Variants in NPY2R observed in about 807,000 individuals in gnomAD.
The protein encoded by NPY2R is neuropeptide Y receptor type 2.
In NPY2R, 17 loss-of-function variants were observed where a neutral mutation model predicts 22.3. The observed-to-expected ratio is 0.76, with a 90% CI of 0.52 to 1.14. NPY2R has a LOEUF of 1.14. Among genes scored for constraint, NPY2R ranks in the 50% most tolerant of loss-of-function variants. The pLI is 0.00. For synonymous variants in NPY2R, 209 were observed against 183.4 expected (o/e 1.14, Z -1.13); for missense variants, 424 against 467.9 (o/e 0.91, Z 0.87).
the NPY2R span, among the ~76,000 whole-genome samples, chr4:155,187,237 C>T: frequency 6.6e-6 from 1 of 152,138 alleles, no homozygotes; most frequent in East Asian, 1.9e-4. Flanking sequence ...GTCCTCCTTT[C>T]TAGTGGCCAC....
chr4:155,187,534 CT>C, the NPY2R span, among the ~76,000 whole-genome samples: 1 of 152,004 alleles, frequency 6.6e-6, no homozygotes, highest in Non-Finnish European at 1.5e-5. Context: ...AATTTGATTG[CT>C]ACTTCAGGAG....
chr4:155,199,324 C>G, the NPY2R span, among the ~76,000 whole-genome samples: 3 of 151,860 alleles, frequency 2.0e-5, no homozygotes, highest in African/African-American at 7.3e-5. Flanking sequence ...CATGAAAGAC[C>G]TCTGCAAGGA....
the NPY2R span, among the ~76,000 whole-genome samples, chr4:155,194,152 C>A: frequency 1.3e-5 from 2 of 151,918 alleles, no homozygotes; most frequent in African/African-American, 4.8e-5. Flanking sequence ...GCAGATGGCA[C>A]ACATTTTCGT....
the NPY2R span, among the ~76,000 whole-genome samples, chr4:155,178,953 T>G: frequency 2.6e-5 from 4 of 152,178 alleles, no homozygotes; most frequent in African/African-American, 9.6e-5. Flanking sequence ...TTAGTGCTTT[T>G]TTCTCTATAT....
chr4:155,193,112 A>G, the NPY2R span, among the ~76,000 whole-genome samples: 1 of 151,954 alleles, frequency 6.6e-6, no homozygotes, highest in East Asian at 1.9e-4. Context: ...CAAGATGTCC[A>G]TTCAATAATA....
At position 155,214,648 on chromosome 4, in the gene NPY2R, T is replaced by C; in HGVS notation, c.709T>C (p.Phe237Leu). The C allele has an allele frequency of 6.2e-7, 1 of 1,614,200 alleles. No individual in the cohort carries two copies. Among genetic ancestry groups the C allele is most frequent in the Non-Finnish European group, 8.5e-7 (1 of 1,180,018 alleles). ...TGTTTTGCCTCTGGGCATTATATCA[T>C]TTTCCTACACTCGCATTTGGAGTAA... ...LYVLPLGIISFSYTRIWSKLK... is the reference protein window; with the variant it reads ...LYVLPLGIISLSYTRIWSKLK... Residue 237 changes from phenylalanine to leucine, a missense_variant, in exon 2 of 2, where the codon TTT (phenylalanine) becomes CTT (leucine). Transcript: ENST00000329476.
At chr4:155,206,150 C>A (rs913471183), upstream of NPY2R, among the ~76,000 whole-genome samples, 3 of 152,168 alleles carry the variant, frequency 2.0e-5, no homozygotes, top group Non-Finnish European at 4.4e-5. Flanking sequence ...TGGCCCTAAC[C>A]ATGCAGGCAT....
At chr4:155,182,161 A>G in the NPY2R span, among the ~76,000 whole-genome samples, 1 of 152,266 alleles carries the variant, frequency 6.6e-6, no homozygotes, top group Middle Eastern at 3.4e-3. Flanking sequence ...GTTAAATTAT[A>G]TAACTCCTCG....
chr4:155,196,837 G>A, the NPY2R span, among the ~76,000 whole-genome samples: 1 of 151,848 alleles, frequency 6.6e-6, no homozygotes, highest in Non-Finnish European at 1.5e-5. Context: ...TCTAATGTGG[G>A]CCTTCAGTTC....
the NPY2R span, among the ~76,000 whole-genome samples, chr4:155,190,704 C>A: frequency 6.6e-6 from 1 of 151,816 alleles, no homozygotes; most frequent in Non-Finnish European, 1.5e-5. Flanking sequence ...CCAGAATTGC[C>A]AAATATCAAT....
At chr4:155,180,365 A>T in the NPY2R span, among the ~76,000 whole-genome samples, 1 of 152,258 alleles carries the variant, frequency 6.6e-6, no homozygotes. Flanking sequence ...GAGTGCTAAC[A>T]TCCACTTGTC....
the NPY2R span, among the ~76,000 whole-genome samples, chr4:155,179,345 G>A: frequency 6.6e-6 from 1 of 152,092 alleles, no homozygotes; most frequent in African/African-American, 2.4e-5. Context: ...TTTCTTGTGT[G>A]TGCCAGATTT....
chr4:155,201,295 C>T, the NPY2R span, among the ~76,000 whole-genome samples: 1 of 152,028 alleles, frequency 6.6e-6, no homozygotes, highest in African/African-American at 2.4e-5. Flanking sequence ...GCCTGGGTCA[C>T]ACAGAACACT....
Position 155,214,723 on chromosome 4 carries a change from C to G in NPY2R, c.784C>G (p.Arg262Gly). 6.2e-7 allele frequency: 1 copy of G among 1,614,210 alleles called. No homozygotes were observed. Among genetic ancestry groups the G allele is most frequent in the Non-Finnish European group, 8.5e-7 (1 of 1,180,036 alleles). ...AGCTGCAAATGACCACTACCATCAGCGAAGGCAAAAAACCACCAAAATGCT... is the reference window on the plus strand; with the variant it reads ...AGCTGCAAATGACCACTACCATCAGGGAAGGCAAAAAACCACCAAAATGCT... The part of the protein sequence containing the change: ...PGAANDHYHQ[R>G]RQKTTKMLVC... The change falls in exon 2 of 2, where the codon CGA becomes GGA. Residue 262 changes from arginine to glycine, a missense_variant. By Grantham distance (125) the Arg-to-Gly change is moderately radical. Transcript: ENST00000329476.
At chr4:155,179,808 C>T in the NPY2R span, among the ~76,000 whole-genome samples, 1 of 152,136 alleles carries the variant, frequency 6.6e-6, no homozygotes. Flanking sequence ...ATTGCTTGAT[C>T]TCCCTAAGAT....
the NPY2R span, among the ~76,000 whole-genome samples, chr4:155,192,757 T>C: frequency 6.6e-6 from 1 of 151,942 alleles, no homozygotes; most frequent in South Asian, 2.1e-4. Context: ...ACTAACATTA[T>C]TGTGAGAATA....
the NPY2R span, among the ~76,000 whole-genome samples, chr4:155,178,634 T>C: frequency 6.6e-6 from 1 of 152,374 alleles, no homozygotes; most frequent in Middle Eastern, 3.4e-3. Flanking sequence ...TTTATCATTT[T>C]ACTATTTCAG....
intron 1 of NPY2R, among the ~76,000 whole-genome samples, chr4:155,213,689 C>T (rs1729449684): frequency 6.6e-6 from 1 of 152,030 alleles, no homozygotes; most frequent in Non-Finnish European, 1.5e-5. Context: ...TTAATTGATC[C>T]ATATTTGACA....
the NPY2R span, among the ~76,000 whole-genome samples, chr4:155,198,083 C>T: frequency 6.6e-6 from 1 of 151,928 alleles, no homozygotes; most frequent in Non-Finnish European, 1.5e-5. Context: ...CATACTGACC[C>T]TGTGAAATAG....
Sources: allele counts gnomAD v4.1 joint callset (sites outside exome capture counted in the v4.1 genomes callset), GRCh38; gene constraint gnomAD v4.1.1; transcripts MANE v1.5; gene names NCBI Gene and HGNC (gene_info 2026-07-23, HGNC 2026-07-21).